CNOT2: variants seen among roughly 807,000 people sequenced by gnomAD.
CNOT2 encodes the protein CCR4-NOT transcription complex subunit 2.
Under a neutral mutation model 72.1 loss-of-function variants are expected in CNOT2, and 7 were observed. That is an observed-to-expected ratio of 0.10 (90% CI 0.06 to 0.18). The LOEUF (loss-of-function observed/expected upper bound fraction) is 0.18, where lower values mean the gene tolerates loss of function less well. Among genes scored for constraint, CNOT2 ranks in the 10% least tolerant of loss-of-function variants. The probability of loss-of-function intolerance (pLI) is 1.00; values close to 1 mark genes in which losing one functional copy is unlikely to be tolerated. For synonymous variants in CNOT2, 196 were observed against 225.6 expected (o/e 0.87, Z 1.17); for missense variants, 345 against 660.3 (o/e 0.52, Z 5.23).
chr12:70,337,275 C>A, intron 8 of CNOT2, 114 bp from the exon 9 acceptor site: 3 of 768,552 alleles, frequency 3.9e-6, no homozygotes, highest in Non-Finnish European at 6.2e-6. Flanking sequence ...GCTTTCATAG[C>A]ATTAAAAAAA....
At chr12:70,288,343 C>T (rs1871279817) in intron 2 of CNOT2, among the ~76,000 whole-genome samples, 1 of 151,930 alleles carries the variant, frequency 6.6e-6, no homozygotes, top group African/African-American at 2.4e-5. Context: ...GATGAGGTTT[C>T]ACCACATTGG....
intron 1 of CNOT2, among the ~76,000 whole-genome samples, chr12:70,271,309 C>G (rs976212956): frequency 3.3e-5 from 5 of 151,614 alleles, no homozygotes; most frequent in South Asian, 2.1e-4. Flanking sequence ...TTTAAATGCC[C>G]TTTCATAAAT....
intron 1 of CNOT2, among the ~76,000 whole-genome samples, chr12:70,267,054 T>C (rs531143248): frequency 1.3e-5 from 2 of 152,162 alleles, no homozygotes; most frequent in Non-Finnish European, 2.9e-5. Context: ...CTTATTGAGT[T>C]TTTTAGTATA....
At chr12:70,299,363 TCCCTCCC>T (rs1430598259) in intron 2 of CNOT2, among the ~76,000 whole-genome samples, 5 of 120,464 alleles carry the variant, frequency 4.2e-5, no homozygotes, top group Non-Finnish European at 8.9e-5. Flanking sequence ...GCTAATGCTG[TCCCTCCC>T]CCCTCCCCCC....
chr12:70,283,515 A>G (rs1870268743), intron 2 of CNOT2, among the ~76,000 whole-genome samples: 1 of 150,074 alleles, frequency 6.7e-6, no homozygotes, highest in Non-Finnish European at 1.5e-5. Context: ...ATAGAATTTT[A>G]TTAAATTAAT....
chr12:70,306,047 T>A (rs931754139), intron 2 of CNOT2, among the ~76,000 whole-genome samples: 1 of 152,138 alleles, frequency 6.6e-6, no homozygotes, highest in African/African-American at 2.4e-5. Flanking sequence ...CTTAAGTGGC[T>A]CCATTACGTC....
At chr12:70,327,185 A>G (rs1379980910) in intron 4 of CNOT2, among the ~76,000 whole-genome samples, 1 of 151,732 alleles carries the variant, frequency 6.6e-6, no homozygotes, top group Admixed American at 6.6e-5. Context: ...ATGTTTGTTT[A>G]TGGTGGTGAA....
intron 9 of CNOT2, 39 bp from the exon 10 acceptor site, chr12:70,338,390 GAATTTGTATACTTA>G (rs1880987537): frequency 6.8e-7 from 1 of 1,478,280 alleles, no homozygotes; most frequent in Admixed American, 2.0e-5. Context: ...ATGTGAACTT[GAATTTGTATACTTA>G]ACAAATTTTA....
intron 1 of CNOT2, among the ~76,000 whole-genome samples, chr12:70,265,312 TCTCTTCTCTTC>T (rs1440504512): frequency 3.4e-5 from 5 of 147,040 alleles, no homozygotes; most frequent in Non-Finnish European, 7.6e-5. Context: ...TCTCTTCTCT[TCTCTTCTCTTC>T]TCTTTCTTTC....
At chr12:70,312,453 T>C (rs1434378017) in intron 3 of CNOT2, among the ~76,000 whole-genome samples, 1 of 151,844 alleles carries the variant, frequency 6.6e-6, no homozygotes, top group African/African-American at 2.4e-5. Flanking sequence ...TAAAAGTATA[T>C]AAAGAGAATG....
rs1258336175 is a variant in CNOT2 at position 70,330,416 on chromosome 12, CATA to C, written c.520_522del (p.Ile174del). Reference sequence around the variant, plus strand: ...GTAGCCCCAACAGAAGCTCGCCAAGCATAATATGTATGCCAAAGCAGCAGCCTT... The same window carrying C: ...GTAGCCCCAACAGAAGCTCGCCAAGCATATGTATGCCAAAGCAGCAGCCTT... On this transcript the variant is annotated inframe_deletion, in exon 6 of 16. Coordinates refer to ENST00000229195, the MANE Select transcript of CNOT2 (RefSeq NM_014515.7). 5 of 1,612,540 alleles carry C rather than the reference CATA, an allele frequency of 3.1e-6. No homozygotes were observed. The highest frequency in any genetic ancestry group is 4.2e-6 in the Non-Finnish European group (5 of 1,179,032).
In CNOT2 at chr12:70,248,324, T is replaced by C. The variant is rs1376481935; in HGVS notation, c.-96+4844T>C. ...TGGAAATAAGGTGAGATGTGTCTTATTGGAGGTCCAAAATTTAAAAAGCTC... is the reference window on the plus strand; with the variant it reads ...TGGAAATAAGGTGAGATGTGTCTTACTGGAGGTCCAAAATTTAAAAAGCTC... On this transcript the variant is annotated intron_variant, in intron 1 of 15. Coordinates refer to ENST00000229195, the MANE Select transcript of CNOT2 (RefSeq NM_014515.7). Among the ~76,000 whole-genome samples, 7 of 152,318 alleles carry C rather than the reference T, an allele frequency of 4.6e-5. No individual in the cohort carries two copies. The East Asian group carries it at 9.6e-4, about 21-fold the overall frequency.
rs1003209318 is a variant in CNOT2, at chr12:70,335,523, A to G, written c.735A>G (p.Pro245=). The G allele has an allele frequency of 5.0e-6, 8 of 1,609,658 alleles. No individual in the cohort carries two copies. Among genetic ancestry groups the G allele is most frequent in the Non-Finnish European group, 6.8e-6 (8 of 1,176,364 alleles). Reference sequence around the variant, plus strand: ...ACAGGAGGGAAGGAAGTGGTAACCCAACTCCATTAATAAACCCCTTGGCTG... The same window carrying G: ...ACAGGAGGGAAGGAAGTGGTAACCCGACTCCATTAATAAACCCCTTGGCTG... The part of the protein sequence containing the change: ...DRNRREGSGN[P]TPLINPLAGR... The change falls in exon 8 of 16, where the codon CCA becomes CCG. Residue 245 remains proline (P), a synonymous_variant. Transcript: ENST00000229195.
At chr12:70,267,463 A>G (rs934161976) in intron 1 of CNOT2, among the ~76,000 whole-genome samples, 5 of 152,348 alleles carry the variant, frequency 3.3e-5, no homozygotes, top group African/African-American at 9.6e-5. Context: ...TAGGGCCTTC[A>G]TAAATCCAGT....
In CNOT2 at chr12:70,337,408, A is replaced by G; in HGVS notation, c.795A>G (p.Pro265=). 1 of 1,609,138 alleles carries G rather than the reference A, an allele frequency of 6.2e-7. No individual in the cohort carries two copies. Among genetic ancestry groups the G allele is most frequent in the South Asian group, 1.1e-5 (1 of 90,894 alleles). Residue 265 remains proline, a synonymous_variant, in exon 9 of 16, where the codon CCA becomes CCG. Coordinates refer to ENST00000229195, the MANE Select transcript of CNOT2 (RefSeq NM_014515.7). The part of the protein sequence containing the change: ...RAPYVGMVTK[P]ANEQSQDFSI... The stretch of plus-strand genomic sequence containing the variant: ...ACATAGTTGGAATGGTAACAAAACC[A>G]GCAAATGAACAATCCCAGGACTTCT...
At chr12:70,272,252 G>A (rs1868252849) in intron 1 of CNOT2, among the ~76,000 whole-genome samples, 1 of 152,126 alleles carries the variant, frequency 6.6e-6, no homozygotes, top group Admixed American at 6.5e-5. Flanking sequence ...AATAGACAAG[G>A]TTCTTCTGCT....
intron 1 of CNOT2, among the ~76,000 whole-genome samples, chr12:70,265,251 C>T (rs914538399): frequency 1.1e-4 from 15 of 141,046 alleles, no homozygotes; most frequent in Non-Finnish European, 1.6e-4. Flanking sequence ...GTAAAACTAC[C>T]AAACCTGGAG....
intron 1 of CNOT2, among the ~76,000 whole-genome samples, chr12:70,276,134 A>G (rs1476738625): frequency 6.6e-6 from 1 of 152,016 alleles, no homozygotes; most frequent in Non-Finnish European, 1.5e-5. Flanking sequence ...AAAAATCCAT[A>G]ATTCTTCAAA....
chr12:70,322,555 A>G (rs1878462461), intron 4 of CNOT2: 1 of 151,534 alleles, frequency 6.6e-6, no homozygotes, highest in Non-Finnish European at 1.5e-5. Flanking sequence ...TTAGCAAAAT[A>G]TCTGGGTGAA....
Sources: gnomAD v4.1 joint callset for allele counts (sites outside exome capture counted in the v4.1 genomes callset) on GRCh38, gnomAD v4.1.1 for gene constraint, MANE v1.5 for transcripts, NCBI Gene and HGNC (gene_info 2026-07-23, HGNC 2026-07-21) for gene names.